The following SRFBP1 variants were observed in gnomAD, a reference collection of about 807,000 sequenced individuals.
The protein encoded by SRFBP1 is serum response factor binding protein 1.
SRFBP1 carries 47 observed loss-of-function variants against 45.5 expected under a neutral mutation model. The observed-to-expected ratio is 1.03, with a 90% confidence interval of 0.82 to 1.32. The LOEUF (loss-of-function observed/expected upper bound fraction) is 1.32. SRFBP1 is among the 40% of genes most tolerant of loss of function. SRFBP1 has a pLI of 0.00. For missense variants in SRFBP1, 621 were observed against 484.6 expected, an observed-to-expected ratio of 1.28 and a Z score of -2.64; for synonymous variants, 203 against 166.3, an observed-to-expected ratio of 1.22 and a Z score of -1.70.
intron 2 of SRFBP1, among the ~76,000 whole-genome samples, chr5:122,069,774 T>A (rs915830333): frequency 2.6e-5 from 4 of 152,108 alleles, no homozygotes; most frequent in Non-Finnish European, 4.4e-5. Context: ...CAATTTGATA[T>A]ATTGGGCCTT....
intron 3 of SRFBP1, among the ~76,000 whole-genome samples, chr5:121,989,357 A>T (rs1231990596): frequency 6.6e-6 from 1 of 152,048 alleles, no homozygotes; most frequent in Non-Finnish European, 1.5e-5. Flanking sequence ...TGAGCCACCG[A>T]GCCCTGCCTG....
intron 4 of SRFBP1, among the ~76,000 whole-genome samples, chr5:122,005,273 A>G (rs574566418): frequency 2.4e-4 from 36 of 152,178 alleles, no homozygotes; most frequent in African/African-American, 7.7e-4. Context: ...TTGTATTACA[A>G]TCTGTCTCTT....
intron 4 of SRFBP1, among the ~76,000 whole-genome samples, chr5:122,000,542 A>G (rs1042079987): frequency 6.6e-6 from 1 of 152,060 alleles, no homozygotes; most frequent in Admixed American, 6.6e-5. Flanking sequence ...ATTTTAAAAA[A>G]TATTTTTACT....
At chr5:122,072,886 A>G (rs1324359075) in intron 2 of SRFBP1, among the ~76,000 whole-genome samples, 3 of 152,226 alleles carry the variant, frequency 2.0e-5, no homozygotes, top group East Asian at 1.9e-4. Flanking sequence ...AAATGGGGCA[A>G]ATAAACTCTA....
At chr5:121,978,834 A>G (rs1003924993) in intron 3 of SRFBP1, among the ~76,000 whole-genome samples, 2 of 152,048 alleles carry the variant, frequency 1.3e-5, no homozygotes, top group Non-Finnish European at 2.9e-5. Flanking sequence ...TAAGGCTGTT[A>G]CTTCTTCCTA....
At chr5:121,998,151 C>T (rs1752773139) in intron 4 of SRFBP1, among the ~76,000 whole-genome samples, 1 of 150,842 alleles carries the variant, frequency 6.6e-6, no homozygotes. Flanking sequence ...TTGACCCAGC[C>T]ATCCCATTAC....
intron 2 of SRFBP1, chr5:122,064,724 T>C (rs1454108354): frequency 6.6e-6 from 1 of 152,040 alleles, no homozygotes; most frequent in East Asian, 1.9e-4. Context: ...CAGTCTTTTT[T>C]ATGTCTCAAT....
At chr5:122,030,580 T>C (rs1386444570), downstream of SRFBP1, among the ~76,000 whole-genome samples, 2 of 152,020 alleles carry the variant, frequency 1.3e-5, no homozygotes, top group Non-Finnish European at 2.9e-5. Context: ...GAGATTGTTT[T>C]TCAAAAACAA....
intron 6 of SRFBP1, 84 bp downstream of exon 6, chr5:122,020,886 C>CTA: frequency 2.4e-6 from 3 of 1,251,432 alleles, no homozygotes; most frequent in Non-Finnish European, 1.1e-6. Flanking sequence ...CATGAAGAGA[C>CTA]TATAATTCTA....
At chr5:122,016,745 C>G (rs977126199) in intron 4 of SRFBP1, among the ~76,000 whole-genome samples, 1 of 152,126 alleles carries the variant, frequency 6.6e-6, no homozygotes, top group Non-Finnish European at 1.5e-5. Flanking sequence ...TATCTTTCCT[C>G]TATTGTATCA....
intron 3 of SRFBP1, among the ~76,000 whole-genome samples, chr5:121,976,713 A>G (rs1752308992): frequency 6.6e-6 from 1 of 151,066 alleles, no homozygotes; most frequent in African/African-American, 2.4e-5. Context: ...TACCATGGAA[A>G]GAATGCAGTG....
chr5:121,964,706 C>G (rs541475950), intron 1 of SRFBP1, among the ~76,000 whole-genome samples: 1 of 152,184 alleles, frequency 6.6e-6, no homozygotes, highest in African/African-American at 2.4e-5. Flanking sequence ...AGGTATATAG[C>G]CAATAATGGG....
At chr5:122,037,629 T>TACAG (rs1327417811) in intron 2 of SRFBP1, among the ~76,000 whole-genome samples, 12 of 152,266 alleles carry the variant, frequency 7.9e-5, no homozygotes, top group South Asian at 6.2e-4. Flanking sequence ...TAGCCAAGAT[T>TACAG]ACAGCCACAT....
At chr5:122,031,879 A>G (rs1330945548), downstream of SRFBP1, among the ~76,000 whole-genome samples, 5 of 152,224 alleles carry the variant, frequency 3.3e-5, no homozygotes, top group Non-Finnish European at 7.3e-5. Context: ...CAAAGAAGCT[A>G]AACACACAAT....
downstream of SRFBP1, among the ~76,000 whole-genome samples, chr5:122,030,810 C>G (rs1434005734): frequency 6.6e-6 from 1 of 152,082 alleles, no homozygotes; most frequent in Non-Finnish European, 1.5e-5. Context: ...TTTAATGAAT[C>G]AGAGATTTCA....
intron 2 of SRFBP1, among the ~76,000 whole-genome samples, chr5:122,069,241 C>T (rs1286016835): frequency 6.6e-6 from 1 of 152,044 alleles, no homozygotes; most frequent in African/African-American, 2.4e-5. Context: ...TGGTGGTTCT[C>T]CAGTGACAAA....
Position 122,008,351 on chromosome 5 carries a change from C to T in SRFBP1, c.271-10909C>T, listed in dbSNP as rs146660169. Among the ~76,000 whole-genome samples, 6 of 152,148 alleles carry T rather than the reference C, an allele frequency of 3.9e-5. No individual in the cohort carries two copies. In the East Asian group the frequency reaches 1.2e-3, roughly 29 times the overall value. Reference sequence around the variant, plus strand: ...CTAGGGTGGGCCTGGAGTCTCAGTCCTTGGTTACCAGCCTGGAGTCGGGGC... The same window carrying T: ...CTAGGGTGGGCCTGGAGTCTCAGTCTTTGGTTACCAGCCTGGAGTCGGGGC... On this transcript the variant is annotated intron_variant, in intron 4 of 7. Transcript: ENST00000339397.
chr5:122,075,954 T>C (rs1754615311), downstream of SRFBP1: 3 of 152,490 alleles, frequency 2.0e-5, no homozygotes, highest in Non-Finnish European at 4.4e-5. Context: ...AACTTCAAAC[T>C]TAACAAAACT....
chr5:121,993,463 C>T (rs556446571), intron 3 of SRFBP1, among the ~76,000 whole-genome samples: 5 of 152,118 alleles, frequency 3.3e-5, no homozygotes, highest in African/African-American at 7.2e-5. Context: ...TGCTTTTAAC[C>T]GTGGTAGAGA....
Sources: allele counts gnomAD v4.1 joint callset (sites outside exome capture counted in the v4.1 genomes callset), GRCh38; gene constraint gnomAD v4.1.1; transcripts MANE v1.5; gene names NCBI Gene and HGNC (gene_info 2026-07-23, HGNC 2026-07-21).